The following CENPK variants were observed in gnomAD, a reference collection of about 807,000 sequenced individuals.
CENPK encodes the protein centromere protein K.
In CENPK, 46 loss-of-function variants were observed where a neutral mutation model predicts 40.9. The ratio of observed to expected loss-of-function variants is 1.13; its 90% CI spans 0.89 to 1.44. The LOEUF is 1.44. CENPK is among the 40% of genes most tolerant of loss of function. The pLI is 0.00. For missense variants in CENPK, 288 were observed against 303.5 expected (o/e 0.95, Z 0.38); for synonymous variants, 107 against 104.4 (o/e 1.02, Z -0.15).
chr5:65,531,418 T>C (rs919481421), intron 6 of CENPK, among the ~76,000 whole-genome samples: 13 of 151,068 alleles, frequency 8.6e-5, no homozygotes, highest in Non-Finnish European at 1.8e-4. Flanking sequence ...TTTTTTTTTT[T>C]CATCCCCCAA....
intron 5 of CENPK, among the ~76,000 whole-genome samples, 162 bp downstream of exon 5, chr5:65,551,402 A>T (rs1156822374): frequency 6.6e-6 from 1 of 152,150 alleles, no homozygotes; most frequent in African/African-American, 2.4e-5. Context: ...ATAATAAAAG[A>T]AGTACAAAAT....
chr5:65,531,284 G>C (rs2150387100), intron 6 of CENPK, among the ~76,000 whole-genome samples: 1 of 151,962 alleles, frequency 6.6e-6, no homozygotes, highest in South Asian at 2.1e-4. Context: ...AGAAATCTTT[G>C]CAACTATTTG....
intron 5 of CENPK, chr5:65,550,724 G>A (rs1749830897): frequency 6.6e-6 from 1 of 152,066 alleles, no homozygotes; most frequent in Non-Finnish European, 1.5e-5. Flanking sequence ...AGATGTGCCT[G>A]TATAGATGTA....
the CENPK span, among the ~76,000 whole-genome samples, chr5:65,507,067 A>G: frequency 1.3e-5 from 2 of 152,214 alleles, no homozygotes; most frequent in Admixed American, 1.3e-4. Flanking sequence ...CACTTGCTCA[A>G]TAACATTATC....
intron 5 of CENPK, 73 bp from the exon 6 acceptor site, chr5:65,542,921 G>A (rs1042606310): frequency 1.3e-5 from 17 of 1,324,786 alleles, no homozygotes; most frequent in South Asian, 3.9e-5. Flanking sequence ...TTAATTTTGC[G>A]GTTTTCTAAG....
At chr5:65,530,546 A>C (rs762914073) in intron 6 of CENPK, among the ~76,000 whole-genome samples, 7 of 152,222 alleles carry the variant, frequency 4.6e-5, no homozygotes, top group Non-Finnish European at 8.8e-5. Flanking sequence ...GACTAAAGAG[A>C]ATTACAATAA....
chr5:65,533,157 C>CT (rs1305226588), intron 6 of CENPK, among the ~76,000 whole-genome samples: 1 of 151,674 alleles, frequency 6.6e-6, no homozygotes, highest in East Asian at 1.9e-4. Context: ...CAAGACCAGC[C>CT]TGGCCAAAAT....
At position 65,539,502 on chromosome 5, in the gene CENPK, T is replaced by C. The variant is rs149730576; in HGVS notation, c.288+3300A>G. 5.1e-4 allele frequency among the ~76,000 whole-genome samples: 77 copies of C among 152,252 alleles called. 1 individual carries two copies. In the East Asian group the frequency reaches 9.5e-3, roughly 19 times the overall value. On this transcript the variant is annotated intron_variant, in intron 6 of 10. Coordinates refer to ENST00000396679, the MANE Select transcript of CENPK (RefSeq NM_022145.5). The stretch of plus-strand genomic sequence containing the variant: ...ATGTCCCAATTAACTCCCAACACAA[T>C]AGGGTAAACATTAAATCTTAAGGCC...
At chr5:65,542,051 G>A (rs13178551) in intron 6 of CENPK, among the ~76,000 whole-genome samples, 61,824 of 151,900 alleles carry the variant, frequency 0.41, 12,935 homozygotes, top group East Asian at 0.65. Flanking sequence ...CTCTTCAGAC[G>A]TTTATAAGGG....
chr5:65,498,576 A>G, the CENPK span, among the ~76,000 whole-genome samples: 2 of 150,168 alleles, frequency 1.3e-5, no homozygotes, highest in Admixed American at 1.3e-4. Flanking sequence ...ATTTGGTCAT[A>G]TATCTTCCTT....
intron 3 of CENPK, among the ~76,000 whole-genome samples, chr5:65,554,511 T>C (rs935640751): frequency 2.0e-5 from 3 of 152,236 alleles, no homozygotes; most frequent in Non-Finnish European, 2.9e-5. Context: ...ATAGTCTTTG[T>C]ACTTCTACAA....
downstream of CENPK, among the ~76,000 whole-genome samples, chr5:65,514,096 G>A (rs1197365426): frequency 6.6e-6 from 1 of 151,832 alleles, no homozygotes; most frequent in African/African-American, 2.4e-5. Context: ...GTTATATATT[G>A]TTATATTAGA....
chr5:65,518,529 G>T lies in CENPK; in HGVS notation c.756C>A (p.Ala252=), dbSNP rs528929654. ...YVELLLRNGI[A]LRHPEDPTRI... ...GGGTTGGATCTTCTGGATGTCTCAAGGCAATTCCATTACGCAGCAGCAGCT... is the reference window on the plus strand; with the variant it reads ...GGGTTGGATCTTCTGGATGTCTCAATGCAATTCCATTACGCAGCAGCAGCT... Residue 252 remains alanine (A), a synonymous_variant, in exon 11 of 11, where the codon GCC becomes GCA. Transcript: ENST00000396679. The T allele has an allele frequency of 6.2e-7, 1 of 1,613,392 alleles. No individual in the cohort carries two copies. The highest frequency in any genetic ancestry group is 1.7e-5 in the Admixed American group (1 of 59,798).
the CENPK span, among the ~76,000 whole-genome samples, chr5:65,501,178 T>G: frequency 2.3e-5 from 3 of 132,020 alleles, no homozygotes; most frequent in African/African-American, 8.5e-5. Context: ...AAGTTTGTTT[T>G]TTTTTTTTTT....
intron 9 of CENPK, among the ~76,000 whole-genome samples, chr5:65,525,840 C>T (rs920680192): frequency 1.3e-5 from 2 of 150,158 alleles, no homozygotes; most frequent in African/African-American, 2.5e-5. Flanking sequence ...CAAGTGGTCA[C>T]CTACAAGCCA....
chr5:65,527,714 T>C (rs887396368), intron 9 of CENPK, among the ~76,000 whole-genome samples: 10 of 151,710 alleles, frequency 6.6e-5, no homozygotes, highest in Admixed American at 2.6e-4. Flanking sequence ...TACATACTCA[T>C]CACAGAAAAT....
chr5:65,521,174 T>C (rs535959505), intron 10 of CENPK, among the ~76,000 whole-genome samples: 4 of 151,958 alleles, frequency 2.6e-5, no homozygotes, highest in Admixed American at 1.3e-4. Flanking sequence ...ATTAAAAAAA[T>C]TTTTTCACCC....
the CENPK span, among the ~76,000 whole-genome samples, chr5:65,497,909 A>C: frequency 6.6e-6 from 1 of 152,212 alleles, no homozygotes; most frequent in Admixed American, 6.5e-5. Context: ...ATACACATAT[A>C]TATTCAAAAG....
At chr5:65,561,706 C>T (rs1751998377) in intron 1 of CENPK, 142 bp from the exon 2 acceptor site, 1 of 239,146 alleles carries the variant, frequency 4.2e-6, no homozygotes, top group African/African-American at 2.2e-5. Flanking sequence ...TTTGAGGTCC[C>T]CAGTTAGGAC....
Sources: gnomAD v4.1 joint callset for allele counts (sites outside exome capture counted in the v4.1 genomes callset) on GRCh38, gnomAD v4.1.1 for gene constraint, MANE v1.5 for transcripts, NCBI Gene and HGNC (gene_info 2026-07-23, HGNC 2026-07-21) for gene names.